Variants in GRAMD2B observed in about 807,000 individuals in gnomAD.
GRAMD2B encodes GRAM domain containing 2B.
Under a neutral mutation model 59.2 loss-of-function variants are expected in GRAMD2B, and 41 were observed. The observed-to-expected ratio is 0.69, with a 90% CI of 0.54 to 0.90. The LOEUF (loss-of-function observed/expected upper bound fraction) is 0.90, where lower values mean the gene tolerates loss of function less well. Among genes scored for constraint, GRAMD2B ranks in the 40% least tolerant of loss-of-function variants. The probability of loss-of-function intolerance (pLI) is 0.00; values close to 1 mark genes in which losing one functional copy is unlikely to be tolerated. For synonymous variants in GRAMD2B, 161 were observed against 182.7 expected, an observed-to-expected ratio of 0.88 and a Z score of 0.96; for missense variants, 424 against 500.5, an observed-to-expected ratio of 0.85 and a Z score of 1.46.
intron 2 of GRAMD2B, among the ~76,000 whole-genome samples, chr5:126,465,778 TG>T (rs1768228421): frequency 6.6e-6 from 1 of 152,100 alleles, no homozygotes. Flanking sequence ...TTTTGCTAAG[TG>T]ATGAGGCCAG....
chr5:126,387,832 G>A (rs1472088394), intron 1 of GRAMD2B, among the ~76,000 whole-genome samples: 1 of 152,052 alleles, frequency 6.6e-6, no homozygotes, highest in African/African-American at 2.4e-5. Flanking sequence ...ATTGTCTTTA[G>A]GGACTAGTTC....
chr5:126,436,516 G>A (rs1235913991), intron 1 of GRAMD2B, among the ~76,000 whole-genome samples: 3 of 152,172 alleles, frequency 2.0e-5, no homozygotes, highest in Non-Finnish European at 2.9e-5. Flanking sequence ...GACGGGTGCA[G>A]TGGTACAAGC....
chr5:126,439,328 C>CTT (rs930960414), intron 1 of GRAMD2B, among the ~76,000 whole-genome samples: 30 of 122,528 alleles, frequency 2.4e-4, no homozygotes, highest in African/African-American at 7.9e-4. Context: ...TTTGGTTTTG[C>CTT]TTTTTTTTTT....
At position 126,488,798 on chromosome 5, in the gene GRAMD2B, G is replaced by C; in HGVS notation, c.1164-1G>C. 1 of 1,608,358 alleles carries C rather than the reference G, an allele frequency of 6.2e-7. No homozygotes were observed. Among genetic ancestry groups the C allele is most frequent in the Non-Finnish European group, 8.5e-7 (1 of 1,176,260 alleles). On this transcript the variant is annotated splice_acceptor_variant, in intron 12 of 13. Coordinates refer to ENST00000285689, the MANE Select transcript of GRAMD2B (RefSeq NM_023927.4). LOFTEE classifies it high-confidence loss of function. ...AATAATTTTTCTCTTTTTTCTTACA[G>C]ACAGGCAGCACCATCTGGCCTGAGG... is the stretch of plus-strand genomic sequence containing the variant.
chr5:126,403,159 T>C (rs1375605610), intron 1 of GRAMD2B, among the ~76,000 whole-genome samples: 2 of 152,022 alleles, frequency 1.3e-5, no homozygotes, highest in African/African-American at 4.8e-5. Flanking sequence ...GAAAGAAATA[T>C]ATTTCTTAAT....
chr5:126,367,432 TGGAGGAGGA>T (rs70994862), upstream of GRAMD2B, among the ~76,000 whole-genome samples: 2,861 of 140,752 alleles, frequency 0.02, 37 homozygotes, highest in South Asian at 0.025. Flanking sequence ...CTGTAAAAAC[TGGAGGAGGA>T]GGAGGAGGAG....
rs747195154 is a variant in GRAMD2B at position 126,465,441 on chromosome 5, T to C, written c.99T>C (p.Asn33=). 3 of 1,614,040 alleles carry C rather than the reference T, an allele frequency of 1.9e-6. No homozygotes were observed. Among genetic ancestry groups the C allele is most frequent in the Middle Eastern group, 1.6e-4 (1 of 6,062 alleles). The change falls in exon 2 of 14, where the codon AAT becomes AAC. Residue 33 remains asparagine, a synonymous_variant. Coordinates refer to ENST00000285689, the MANE Select transcript of GRAMD2B (RefSeq NM_023927.4). Reference sequence around the variant, plus strand: ...TCTTCTTCAGCTCAGAGGCTGAGAATGGTGTGGAGGAGAAAAAGAAAGCCT... The same window carrying C: ...TCTTCTTCAGCTCAGAGGCTGAGAACGGTGTGGAGGAGAAAAAGAAAGCCT... The part of the protein sequence containing the change: ...KLGSAHSEAE[N]GVEEKKKACR...
At chr5:126,406,894 A>C (rs368270612) in intron 1 of GRAMD2B, among the ~76,000 whole-genome samples, 15 of 152,030 alleles carry the variant, frequency 9.9e-5, no homozygotes, top group East Asian at 5.8e-4. Flanking sequence ...TTTTCAATGA[A>C]GTTTGAATAC....
In GRAMD2B at chr5:126,382,481, G is replaced by A. The variant is rs116800878; in HGVS notation, c.125+10914G>A. Among the ~76,000 whole-genome samples, 181 of 152,060 alleles carry A rather than the reference G, an allele frequency of 1.2e-3. 1 individual carries two copies. The highest frequency in any genetic ancestry group is 4.2e-3 in the African/African-American group (175 of 41,484). ...TTTCTTCTACTTGTTTGATTCTATT[G>A]TTGAGACATTCCAGTGTATTTTGCG... On this transcript the variant is annotated intron_variant, in intron 1 of 8. Coordinates refer to the GRAMD2B transcript ENST00000506445.
intron 1 of GRAMD2B, among the ~76,000 whole-genome samples, chr5:126,407,062 T>C (rs1758325967): frequency 2.0e-5 from 3 of 152,042 alleles, no homozygotes; most frequent in Admixed American, 2.0e-4. Context: ...TGTGATAATT[T>C]GACATTCTTG....
chr5:126,390,452 C>T (rs746456336), intron 1 of GRAMD2B, among the ~76,000 whole-genome samples: 16 of 152,166 alleles, frequency 1.1e-4, no homozygotes, highest in Admixed American at 1.0e-3. Context: ...ATAATAATCA[C>T]ACATCATGAT....
chr5:126,374,870 G>A (rs555343896), intron 1 of GRAMD2B, among the ~76,000 whole-genome samples: 1 of 152,174 alleles, frequency 6.6e-6, no homozygotes, highest in Admixed American at 6.5e-5. Flanking sequence ...GCTAAGACAA[G>A]ACTCCTTACC....
chr5:126,487,014 T>A (rs763203245), intron 12 of GRAMD2B, 37 bp downstream of exon 12: 2 of 1,083,858 alleles, frequency 1.8e-6, no homozygotes, highest in South Asian at 2.6e-5. Flanking sequence ...CTGCTTGCCA[T>A]TCTGCTTAAT....
rs569879671 is a variant in GRAMD2B, at chr5:126,386,052, C to T, written c.125+14485C>T. ...TCCTCAAAGAGTAAACATGAAACTT[C>T]AAAGCTTAATTATCCCAAATTATAA... On this transcript the variant is annotated intron_variant, in intron 1 of 8. Coordinates refer to the GRAMD2B transcript ENST00000506445. Among the ~76,000 whole-genome samples, 428 of 152,260 alleles carry T rather than the reference C, an allele frequency of 2.8e-3. 1 individual carries two copies. The highest frequency in any genetic ancestry group is 9.9e-3 in the African/African-American group (413 of 41,544).
chr5:126,459,913 C>G (rs4836263), intron 1 of GRAMD2B, among the ~76,000 whole-genome samples: 1 of 152,152 alleles, frequency 6.6e-6, no homozygotes, highest in African/African-American at 2.4e-5. Context: ...CCTTTTGACA[C>G]AGCAGTTCCA....
chr5:126,488,327 A>C (rs1773336572), intron 12 of GRAMD2B, among the ~76,000 whole-genome samples: 1 of 152,230 alleles, frequency 6.6e-6, no homozygotes, highest in Non-Finnish European at 1.5e-5. Context: ...TGTATGATAA[A>C]TCTCAAAGAA....
At chr5:126,360,169 C>T (rs1288450302) in exon 1 of GRAMD2B, 4 of 704,500 alleles carry the variant, frequency 5.7e-6, no homozygotes, top group Non-Finnish European at 9.3e-6. Context: ...CTGGTGCCAT[C>T]CCTCTGAGCA....
chr5:126,432,866 AC>A (rs1466403652), intron 1 of GRAMD2B, among the ~76,000 whole-genome samples: 1 of 152,246 alleles, frequency 6.6e-6, no homozygotes, highest in Non-Finnish European at 1.5e-5. Flanking sequence ...TTCTAAAATC[AC>A]AAAATATCAG....
intron 1 of GRAMD2B, among the ~76,000 whole-genome samples, chr5:126,387,380 G>A (rs1439903635): frequency 6.6e-6 from 1 of 151,698 alleles, no homozygotes; most frequent in East Asian, 1.9e-4. Context: ...CTAAACAAAT[G>A]TTCTGTACTC....
Sources: gnomAD v4.1 joint callset for allele counts (sites outside exome capture counted in the v4.1 genomes callset) on GRCh38, gnomAD v4.1.1 for gene constraint, MANE v1.5 for transcripts, NCBI Gene and HGNC (gene_info 2026-07-23, HGNC 2026-07-21) for gene names.